The following ABI2 variants were observed in gnomAD, a reference collection of about 807,000 sequenced individuals.
ABI2 encodes the protein abl interactor 2.
In ABI2, 25 loss-of-function variants were observed where a neutral mutation model predicts 59.2. The ratio of observed to expected loss-of-function variants is 0.42; its 90% CI spans 0.31 to 0.59. ABI2 has a LOEUF of 0.59. Ranked by LOEUF, ABI2 falls within the 20% of genes least tolerant of loss-of-function variation. The pLI, the probability that ABI2 is intolerant of heterozygous loss-of-function variation, is 0.14. For missense variants in ABI2, 545 were observed against 681.8 expected (o/e 0.80, Z 2.23); for synonymous variants, 213 against 235.5 (o/e 0.90, Z 0.87).
At chr2:203,413,039 C>G (rs994893320) in intron 10 of ABI2, among the ~76,000 whole-genome samples, 1 of 152,164 alleles carries the variant, frequency 6.6e-6, no homozygotes, top group Non-Finnish European at 1.5e-5. Context: ...GAATAATACC[C>G]TGGGAGTTTT....
chr2:203,415,733 C>T (rs1295045741), intron 10 of ABI2, among the ~76,000 whole-genome samples: 1 of 151,522 alleles, frequency 6.6e-6, no homozygotes, highest in Non-Finnish European at 1.5e-5. Context: ...ACTGGTACCT[C>T]ATAAATAAGA....
chr2:203,410,227 T>A (rs1386664157), intron 9 of ABI2, among the ~76,000 whole-genome samples: 2 of 152,198 alleles, frequency 1.3e-5, no homozygotes, highest in Admixed American at 6.5e-5. Flanking sequence ...GGGTTAAGAT[T>A]ATCATGTATT....
At chr2:203,337,898 C>T (rs570361319) in intron 1 of ABI2, among the ~76,000 whole-genome samples, 1 of 152,276 alleles carries the variant, frequency 6.6e-6, no homozygotes, top group East Asian at 1.9e-4. Flanking sequence ...GGCATGCTGG[C>T]ACACGCCTGT....
At chr2:203,423,433 C>A (rs2098299125) in intron 11 of ABI2, among the ~76,000 whole-genome samples, 1 of 151,822 alleles carries the variant, frequency 6.6e-6, no homozygotes, top group African/African-American at 2.4e-5. Context: ...CATCTGGGTC[C>A]TTTTTTTTCT....
chr2:203,404,763 C>T (rs6725575), intron 9 of ABI2, among the ~76,000 whole-genome samples: 112,234 of 152,024 alleles, frequency 0.74, 42,530 homozygotes, highest in Middle Eastern at 0.87. Flanking sequence ...TTCACCATAT[C>T]GGCCAAGCTG....
At chr2:203,352,230 T>C (rs1025404314) in intron 1 of ABI2, among the ~76,000 whole-genome samples, 25 of 152,200 alleles carry the variant, frequency 1.6e-4, no homozygotes, top group African/African-American at 5.8e-4. Context: ...GAGCCCGAGA[T>C]GGAAGGACGG....
At chr2:203,367,181 T>G in intron 2 of ABI2, 137 bp downstream of exon 2, 2 of 1,204,132 alleles carry the variant, frequency 1.7e-6, no homozygotes, top group Non-Finnish European at 2.1e-6. Context: ...AATATTAGGT[T>G]GTTTTTAGAT....
rs749337376 is a variant in ABI2, at chr2:203,391,156, G to A, written c.578+13G>A. ...AAGGGACACTTGGGTGAGTATATAA[G>A]TAGTAATTGAAAACCATTTCATGTA... On this transcript the variant is annotated intron_variant, in intron 5 of 11. Coordinates refer to ENST00000261018, the MANE Select transcript of ABI2 (RefSeq NM_001375670.1). The A allele has an allele frequency of 1.3e-6, 2 of 1,558,782 alleles. No individual in the cohort carries two copies. Among genetic ancestry groups the A allele is most frequent in the East Asian group, 2.3e-5 (1 of 44,194 alleles).
chr2:203,426,018 T>G (rs2098417068), intron 11 of ABI2, among the ~76,000 whole-genome samples: 1 of 118,780 alleles, frequency 8.4e-6, no homozygotes, highest in African/African-American at 4.2e-5. Context: ...TGAGACTGTC[T>G]CAAAAAAAAA....
intron 8 of ABI2, among the ~76,000 whole-genome samples, chr2:203,399,706 G>C (rs926782052): frequency 6.6e-6 from 1 of 152,028 alleles, no homozygotes; most frequent in Non-Finnish European, 1.5e-5. Flanking sequence ...GTAGAGACGG[G>C]GTTTCACCAC....
At chr2:203,357,119 A>G (rs1045909504) in intron 1 of ABI2, among the ~76,000 whole-genome samples, 5 of 152,228 alleles carry the variant, frequency 3.3e-5, no homozygotes, top group Non-Finnish European at 5.9e-5. Context: ...TATAAAATAG[A>G]TATAAAATTT....
In ABI2 at chr2:203,367,051, C is replaced by G; in HGVS notation, c.285+7C>G. On this transcript the variant is annotated splice_region_variant and intron_variant, in intron 2 of 11. Coordinates refer to ENST00000261018, the MANE Select transcript of ABI2 (RefSeq NM_001375670.1). ...AATCAATCATATTTCACAAGTGAGA[C>G]CACAATATTTTCCTATTTGCCTATG... The G allele has an allele frequency of 1.9e-6, 3 of 1,608,102 alleles. No individual in the cohort carries two copies. Among genetic ancestry groups the G allele is most frequent in the Non-Finnish European group, 2.5e-6 (3 of 1,176,484 alleles).
At chr2:203,350,145 T>C (rs2086785087) in intron 1 of ABI2, among the ~76,000 whole-genome samples, 1 of 152,212 alleles carries the variant, frequency 6.6e-6, no homozygotes, top group Non-Finnish European at 1.5e-5. Context: ...GGTGCTATCT[T>C]GGCTCACTGT....
At chr2:203,347,421 A>G (rs2084362097) in intron 1 of ABI2, among the ~76,000 whole-genome samples, 1 of 152,224 alleles carries the variant, frequency 6.6e-6, no homozygotes. Context: ...AGATACTTCT[A>G]GCCTTGTAAT....
At chr2:203,334,530 A>C (rs1395513201) in intron 1 of ABI2, among the ~76,000 whole-genome samples, 2 of 152,120 alleles carry the variant, frequency 1.3e-5, no homozygotes, top group African/African-American at 2.4e-5. Flanking sequence ...GCTTACACCC[A>C]CCCCAAATCC....
At chr2:203,395,873 ATTT>A (rs1374558152) in intron 7 of ABI2, 93 bp downstream of exon 7, 1 of 1,361,214 alleles carries the variant, frequency 7.3e-7, no homozygotes, top group Non-Finnish European at 9.7e-7. Context: ...CGTAATCAGG[ATTT>A]TTTTTCTTTA....
At chr2:203,396,404 CTA>C (rs1216036387) in intron 7 of ABI2, among the ~76,000 whole-genome samples, 1 of 152,018 alleles carries the variant, frequency 6.6e-6, no homozygotes, top group African/African-American at 2.4e-5. Context: ...TGGAATATGT[CTA>C]TTTTCTGATT....
intron 2 of ABI2, among the ~76,000 whole-genome samples, chr2:203,376,733 CT>C (rs370295013): frequency 0.02 from 2,295 of 114,868 alleles, 56 homozygotes; most frequent in African/African-American, 0.069. Flanking sequence ...TTGGTCTTCC[CT>C]TTTTTTTTTT....
intron 2 of ABI2, 123 bp downstream of exon 2, chr2:203,367,167 A>G: frequency 7.8e-7 from 1 of 1,283,156 alleles, no homozygotes; most frequent in Non-Finnish European, 1.0e-6. Context: ...GAAAATAGCA[A>G]CTTAATATTA....
Sources: gnomAD v4.1 joint callset for allele counts (sites outside exome capture counted in the v4.1 genomes callset) on GRCh38, gnomAD v4.1.1 for gene constraint, MANE v1.5 for transcripts, NCBI Gene and HGNC (gene_info 2026-07-23, HGNC 2026-07-21) for gene names.